NECTIN3: variants seen among roughly 807,000 people sequenced by gnomAD.
NECTIN3 encodes nectin-3.
In NECTIN3, 8 loss-of-function variants were observed where a neutral mutation model predicts 49.4. The observed-to-expected ratio is 0.16, with a 90% CI of 0.10 to 0.29. The LOEUF (loss-of-function observed/expected upper bound fraction) is 0.29, where lower values mean the gene tolerates loss of function less well. Among genes scored for constraint, NECTIN3 ranks in the 10% least tolerant of loss-of-function variants. The pLI is 1.00. For missense variants in NECTIN3, 581 were observed against 654.6 expected, an observed-to-expected ratio of 0.89 and a Z score of 1.23; for synonymous variants, 277 against 241.1, an observed-to-expected ratio of 1.15 and a Z score of -1.38.
At chr3:111,100,266 T>TA (rs1202756948) in intron 1 of NECTIN3, among the ~76,000 whole-genome samples, 1 of 152,140 alleles carries the variant, frequency 6.6e-6, no homozygotes, top group East Asian at 1.9e-4. Context: ...ATTTTTGTCT[T>TA]TAAAGCGCCA....
intron 1 of NECTIN3, among the ~76,000 whole-genome samples, chr3:111,082,885 C>T (rs1358262640): frequency 6.6e-6 from 1 of 152,182 alleles, no homozygotes; most frequent in African/African-American, 2.4e-5. Flanking sequence ...AGTGACAGAT[C>T]ATCAGGCATT....
intron 6 of NECTIN3, among the ~76,000 whole-genome samples, chr3:111,146,385 G>A (rs1361459298): frequency 2.1e-5 from 3 of 144,688 alleles, no homozygotes; most frequent in Non-Finnish European, 4.5e-5. Flanking sequence ...AGTGAGCGGA[G>A]ATCCCGCCAC....
chr3:111,072,289 G>C, intron 1 of NECTIN3, 112 bp downstream of exon 1: 1 of 1,449,446 alleles, frequency 6.9e-7, no homozygotes, highest in Non-Finnish European at 9.0e-7. Context: ...TTGGTTGTGC[G>C]AGCGAGTGCC....
At position 111,145,006 on chromosome 3, in the gene NECTIN3, C is replaced by T; in HGVS notation, c.1108C>T (p.Arg370Ter). Reference sequence around the variant, plus strand: ...CTTTGTGACTGTGCTGCTGACTCCTCGAAAAAAAAGACCATCCTATCTTGA... The same window carrying T: ...CTTTGTGACTGTGCTGCTGACTCCTTGAAAAAAAAGACCATCCTATCTTGA... The change falls in exon 6 of 9, where the codon CGA (arginine) becomes TGA (stop). Residue 370 changes from arginine to a stop codon, truncating the protein, a stop_gained. Transcript: ENST00000493615. LOFTEE classifies it high-confidence loss of function. 2 of 1,535,262 alleles carry T rather than the reference C, an allele frequency of 1.3e-6. No homozygotes were observed. The highest frequency in any genetic ancestry group is 1.7e-6 in the Non-Finnish European group (2 of 1,146,314).
In NECTIN3 at chr3:111,085,114, A is replaced by G. The variant is rs143053369; in HGVS notation, c.160+12937A>G. On this transcript the variant is annotated intron_variant, in intron 1 of 5. Coordinates refer to ENST00000485303, the MANE Select transcript of NECTIN3 (RefSeq NM_015480.3). ...CATGACGTTTTCCCTGTATGTCTCA[A>G]TAGGACAAAAGTCATATCGGATTAA... 2.5e-4 allele frequency among the ~76,000 whole-genome samples: 38 copies of G among 152,318 alleles called. No individual in the cohort carries two copies. The East Asian group carries it at 5.4e-3, about 22-fold the overall frequency.
intron 2 of NECTIN3, among the ~76,000 whole-genome samples, chr3:111,113,978 G>C (rs888101954): frequency 3.3e-5 from 5 of 152,142 alleles, no homozygotes; most frequent in African/African-American, 9.6e-5. Context: ...ATGAGACTGT[G>C]TCTCTAAATA....
At chr3:111,162,295 A>C (rs573076419) in intron 7 of NECTIN3, among the ~76,000 whole-genome samples, 1 of 152,234 alleles carries the variant, frequency 6.6e-6, no homozygotes, top group African/African-American at 2.4e-5. Context: ...TCTCATCTTG[A>C]GTTGTAGTTC....
intron 7 of NECTIN3, among the ~76,000 whole-genome samples, chr3:111,172,416 T>C (rs2035451223): frequency 6.6e-6 from 1 of 152,192 alleles, no homozygotes; most frequent in South Asian, 2.1e-4. Context: ...ATAATATCAT[T>C]TCCATCTACT....
upstream of NECTIN3, among the ~76,000 whole-genome samples, chr3:111,192,102 G>C (rs2035822638): frequency 6.6e-6 from 1 of 152,128 alleles, no homozygotes; most frequent in African/African-American, 2.4e-5. Context: ...AAAGTGCTAG[G>C]ATTACAGGCA....
chr3:111,189,665 A>AT (rs1292714879), upstream of NECTIN3, among the ~76,000 whole-genome samples: 4 of 152,190 alleles, frequency 2.6e-5, no homozygotes, highest in East Asian at 5.8e-4. Context: ...AATATAAGGT[A>AT]TTTTTTCCCA....
intron 1 of NECTIN3, among the ~76,000 whole-genome samples, chr3:111,093,913 T>C (rs2032424787): frequency 6.6e-6 from 1 of 152,226 alleles, no homozygotes. Context: ...GCTTTTAGTG[T>C]GTCATAACTT....
intron 5 of NECTIN3, among the ~76,000 whole-genome samples, chr3:111,129,611 ATCAGTT>A (rs1259468357): frequency 6.6e-6 from 1 of 152,150 alleles, no homozygotes; most frequent in African/African-American, 2.4e-5. Flanking sequence ...TATGAACAAA[ATCAGTT>A]TCAGCACTTT....
rs2034835075 is a variant in NECTIN3 at position 111,144,833 on chromosome 3, AAG to A, written c.1001-65_1001-64del. 1.8e-5 allele frequency: 26 copies of A among 1,464,106 alleles called. No homozygotes were observed. The South Asian group carries it at 3.3e-4, about 19-fold the overall frequency. 90.7% of individuals were successfully genotyped at this position (1,464,106 alleles called of 1,614,324 possible). A position where few individuals can be genotyped will look rare whatever the true frequency, so the allele number is the denominator to read the frequency against. ...GTCAAATAGTTTGCACATTGTAGAAAAGGTATGCAATTTCAAGAATTATTTTT... is the reference window on the plus strand; with the variant it reads ...GTCAAATAGTTTGCACATTGTAGAAAGTATGCAATTTCAAGAATTATTTTT... On this transcript the variant is annotated intron_variant, in intron 5 of 8. Transcript: ENST00000493615.
Position 111,134,290 on chromosome 3 carries a change from T to C in NECTIN3, c.*75T>C. On this transcript the variant is annotated 3_prime_UTR_variant, in exon 6 of 6. Coordinates refer to ENST00000485303, the MANE Select transcript of NECTIN3 (RefSeq NM_015480.3). ...GATCATTTTCAGATTGTTCATACTT[T>C]TTCTTGAGGAAGAATAAGCTTTTTC... 1 of 1,486,348 alleles carries C rather than the reference T, an allele frequency of 6.7e-7. No individual in the cohort carries two copies. The highest frequency in any genetic ancestry group is 8.9e-7 in the Non-Finnish European group (1 of 1,121,580). The allele number at this position is 1,486,348 out of a possible 1,614,324, so 92.1% of individuals were successfully genotyped here.
At chr3:111,105,455 A>G (rs2033137059) in intron 1 of NECTIN3, among the ~76,000 whole-genome samples, 1 of 152,034 alleles carries the variant, frequency 6.6e-6, no homozygotes, top group Non-Finnish European at 1.5e-5. Context: ...TTTTGATGCT[A>G]TTCTACGTAG....
chr3:111,094,692 A>G (rs1559773321), intron 1 of NECTIN3, among the ~76,000 whole-genome samples: 1 of 152,226 alleles, frequency 6.6e-6, no homozygotes, highest in Non-Finnish European at 1.5e-5. Flanking sequence ...TCCCTCAGGA[A>G]CAAGTTGTGA....
intron 1 of NECTIN3, 75 bp from the exon 2 acceptor site, chr3:111,111,955 G>T: frequency 2.4e-6 from 2 of 832,642 alleles, no homozygotes; most frequent in Non-Finnish European, 3.8e-6. Flanking sequence ...AGTTACACAG[G>T]GGGTCAGGAA....
intron 7 of NECTIN3, among the ~76,000 whole-genome samples, chr3:111,154,916 A>C (rs2035067910): frequency 1.3e-5 from 2 of 151,978 alleles, no homozygotes; most frequent in African/African-American, 4.8e-5. Context: ...ATTTTCTCCC[A>C]TTCTTTTGCT....
intron 7 of NECTIN3, among the ~76,000 whole-genome samples, chr3:111,162,269 A>C (rs1231960937): frequency 6.6e-6 from 1 of 152,150 alleles, no homozygotes; most frequent in African/African-American, 2.4e-5. Flanking sequence ...ATGGTTTGGC[A>C]GTGTCCCCAC....
Sources: allele counts gnomAD v4.1 joint callset (sites outside exome capture counted in the v4.1 genomes callset), GRCh38; gene constraint gnomAD v4.1.1; transcripts MANE v1.5; gene names NCBI Gene and HGNC (gene_info 2026-07-23, HGNC 2026-07-21).